The following AIFM1 variants were observed in gnomAD, a reference collection of about 807,000 sequenced individuals.
AIFM1 encodes apoptosis inducing factor mitochondria associated 1.
In AIFM1, 3 loss-of-function variants were observed where a neutral mutation model predicts 51.7. The observed-to-expected ratio is 0.06, with a 90% CI of 0.03 to 0.15. The LOEUF is 0.15. AIFM1 is among the 10% of genes least tolerant of loss of function. The pLI, the probability that AIFM1 is intolerant of heterozygous loss-of-function variation, is 1.00. For synonymous variants in AIFM1, 178 were observed against 179.4 expected (o/e 0.99, Z 0.06); for missense variants, 330 against 476.8 (o/e 0.69, Z 2.87).
intron 13 of AIFM1, among the ~76,000 whole-genome samples, chrX:130,132,891 C>T (rs2030158012): frequency 9.1e-6 from 1 of 110,489 alleles, no homozygotes; most frequent in Non-Finnish European, 1.9e-5. Flanking sequence ...GGATTACAGG[C>T]ATGCACCACC....
At chrX:130,151,435 G>A (rs1190094854) in intron 2 of AIFM1, among the ~76,000 whole-genome samples, 2 of 111,157 alleles carry the variant, frequency 1.8e-5, no homozygotes, top group Non-Finnish European at 3.8e-5. Flanking sequence ...CACCACACCC[G>A]GCCCCATAAA....
At chrX:130,141,588 T>C (rs1443200389) in intron 6 of AIFM1, among the ~76,000 whole-genome samples, 1 of 111,544 alleles carries the variant, frequency 9.0e-6, no homozygotes, top group Non-Finnish European at 1.9e-5. Context: ...GGAGGAGGTG[T>C]TGGCATTCTG....
At chrX:130,155,334 C>G in intron 2 of AIFM1, 1 of 1,185,968 alleles carries the variant, frequency 8.4e-7, no homozygotes, top group Non-Finnish European at 1.1e-6. Context: ...AAACAGAGTA[C>G]TAAGTATTAA....
At position 130,147,621 on chromosome X, in the gene AIFM1, T is replaced by G. The variant is rs1258025681; in HGVS notation, c.477A>C (p.Val159=). The G allele has an allele frequency of 8.3e-6, 10 of 1,210,588 alleles. No homozygotes were observed. The highest frequency in any genetic ancestry group is 1.0e-5 in the Non-Finnish European group (9 of 895,426). The change falls in exon 5 of 16, where the codon GTA becomes GTC. Residue 159 remains valine, a splice_region_variant and synonymous_variant. Coordinates refer to ENST00000287295, the MANE Select transcript of AIFM1 (RefSeq NM_004208.4). ...SIRARDPGAR[V]LIVSEDPELP... is the part of the protein sequence containing the mutation. Reference sequence around the variant, plus strand: ...GCTCAGGATCTTCAGATACAATCAGTACCTTCAGACATAAAAATCATGACG... The same window carrying G: ...GCTCAGGATCTTCAGATACAATCAGGACCTTCAGACATAAAAATCATGACG...
Position 130,165,738 on chromosome X carries a change from A to G in AIFM1, c.-82T>C. 1.2e-6 allele frequency: 1 copy of G among 808,348 alleles called. No homozygotes were observed. The allele number at this position is 808,348 out of a possible 1,213,427, so 66.6% of individuals were successfully genotyped here. ...GGGTCAAACACCGTGAGCCCCGGCC[A>G]GCTCCCCCAGTCTCTTCACACGCAC... On this transcript the variant is annotated 5_prime_UTR_variant, in exon 1 of 16. Transcript: ENST00000287295.
chrX:130,138,978 G>C (rs985427003), intron 8 of AIFM1, among the ~76,000 whole-genome samples: 1 of 111,077 alleles, frequency 9.0e-6, no homozygotes, highest in Non-Finnish European at 1.9e-5. Flanking sequence ...AGGGCAAGTA[G>C]GTGCTCCCAG....
In AIFM1 at chrX:130,136,031, T is replaced by A; in HGVS notation, c.1305+14A>T. The A allele has an allele frequency of 1.7e-6, 2 of 1,211,631 alleles. No individual in the cohort carries two copies. Among genetic ancestry groups the A allele is most frequent in the Non-Finnish European group, 2.2e-6 (2 of 895,324 alleles). On this transcript the variant is annotated intron_variant, in intron 12 of 15. Transcript: ENST00000287295. ...GAGAATGAATTATGCCTGGTCATGC[T>A]GTAGCACACTTACCACCCAGATGTT...
At chrX:130,157,810 G>C (rs1205301570) in intron 1 of AIFM1, among the ~76,000 whole-genome samples, 5 of 109,457 alleles carry the variant, frequency 4.6e-5, no homozygotes, top group African/African-American at 1.7e-4. Context: ...AATTAGCTGG[G>C]CAGGTGTGGT....
At chrX:130,152,116 A>G (rs919141760) in intron 2 of AIFM1, among the ~76,000 whole-genome samples, 2 of 110,759 alleles carry the variant, frequency 1.8e-5, no homozygotes, top group Non-Finnish European at 3.8e-5. Context: ...GAGAAGAGAA[A>G]AGAAAAGAAA....
rs1406686691 is a variant in AIFM1 at position 130,149,696 on chromosome X, T to G, written c.250-128A>C. ...GTTAGTTCCTCTATGTCAAAACCAC[T>G]AAGACAAAGTTGTTTTCTTAAGAAA... On this transcript the variant is annotated intron_variant, in intron 2 of 15. Transcript: ENST00000287295. 9.6e-6 allele frequency: 5 copies of G among 518,729 alleles called. No individual in the cohort carries two copies. The Admixed American group carries it at 1.3e-4, about 13-fold the overall frequency. 42.7% of individuals were successfully genotyped at this position (518,729 alleles called of 1,213,427 possible).
At chrX:130,140,761 A>T in intron 6 of AIFM1, 144 bp from the exon 7 acceptor site, 1 of 507,876 alleles carries the variant, frequency 2.0e-6, no homozygotes, top group Non-Finnish European at 3.5e-6. Flanking sequence ...TTGTGCCACC[A>T]TCACCACTAT....
intron 9 of AIFM1, chrX:130,137,522 A>G (rs1201557537): frequency 6.0e-6 from 7 of 1,164,939 alleles, no homozygotes; most frequent in Non-Finnish European, 8.0e-6. Context: ...CTGATTTCAT[A>G]TATCTGAAAA....
intron 1 of AIFM1, among the ~76,000 whole-genome samples, chrX:130,162,846 C>T (rs1300477574): frequency 8.9e-6 from 1 of 111,949 alleles, no homozygotes; most frequent in Non-Finnish European, 1.9e-5. Context: ...TATTATCTAA[C>T]CTATCTGCTC....
chrX:130,140,322 G>A (rs950845487), intron 7 of AIFM1, among the ~76,000 whole-genome samples: 1 of 112,418 alleles, frequency 8.9e-6, no homozygotes, highest in African/African-American at 3.2e-5. Flanking sequence ...ACTTCTTCAT[G>A]CCTCTACCGG....
intron 2 of AIFM1, among the ~76,000 whole-genome samples, chrX:130,152,506 C>G (rs1310541219): frequency 8.9e-6 from 1 of 111,996 alleles, no homozygotes; most frequent in Non-Finnish European, 1.9e-5. Flanking sequence ...CTTTTCTAAA[C>G]AGATGAATAT....
intron 2 of AIFM1, 89 bp downstream of exon 2, chrX:130,156,372 A>G: frequency 8.8e-7 from 1 of 1,133,917 alleles, no homozygotes; most frequent in Non-Finnish European, 1.2e-6. Context: ...AAGGGGAATT[A>G]GTTGCAAAAG....
chrX:130,152,778 C>T (rs915292460), intron 2 of AIFM1, among the ~76,000 whole-genome samples: 2 of 111,696 alleles, frequency 1.8e-5, no homozygotes, highest in African/African-American at 6.5e-5. Context: ...TATTTACAAT[C>T]CGAGCAGCAG....
At chrX:130,157,395 A>T (rs1187319624) in intron 1 of AIFM1, among the ~76,000 whole-genome samples, 1 of 112,136 alleles carries the variant, frequency 8.9e-6, no homozygotes, top group Non-Finnish European at 1.9e-5. Context: ...GGAAGGTCTC[A>T]GTCTCTGATT....
intron 5 of AIFM1, among the ~76,000 whole-genome samples, chrX:130,146,171 C>T (rs1424316950): frequency 1.8e-5 from 2 of 111,821 alleles, no homozygotes; most frequent in African/African-American, 6.5e-5. Context: ...AGTGCAGTGG[C>T]TCAGGTCTAT....
Sources: allele counts gnomAD v4.1 joint callset (sites outside exome capture counted in the v4.1 genomes callset), GRCh38; gene constraint gnomAD v4.1.1; transcripts MANE v1.5; gene names NCBI Gene and HGNC (gene_info 2026-07-23, HGNC 2026-07-21).